LSAMP: variants seen among roughly 807,000 people sequenced by gnomAD.
LSAMP encodes limbic system-associated membrane protein.
In LSAMP, 7 loss-of-function variants were observed where a neutral mutation model predicts 38.6. The observed-to-expected ratio is 0.18, with a 90% CI of 0.10 to 0.34. The LOEUF (loss-of-function observed/expected upper bound fraction) is 0.34. Among genes scored for constraint, LSAMP ranks in the 10% least tolerant of loss-of-function variants. The pLI is 1.00. For synonymous variants in LSAMP, 154 were observed against 166.8 expected (o/e 0.92, Z 0.59); for missense variants, 313 against 420.0 (o/e 0.75, Z 2.23).
At chr3:116,233,299 G>C (rs1421904526) in intron 1 of LSAMP, among the ~76,000 whole-genome samples, 1 of 150,648 alleles carries the variant, frequency 6.6e-6, no homozygotes, top group Non-Finnish European at 1.5e-5. Flanking sequence ...TGTAGTCCCA[G>C]CTACTCGGGA....
intron 1 of LSAMP, among the ~76,000 whole-genome samples, chr3:116,248,484 T>TGTGA (rs1329183009): frequency 5.0e-4 from 6 of 12,094 alleles, no homozygotes; most frequent in Non-Finnish European, 6.9e-4. Context: ...CTAATGTGTG[T>TGTGA]GTGTGTGTGT....
At chr3:116,074,168 T>G (rs1027742073) in intron 2 of LSAMP, among the ~76,000 whole-genome samples, 7 of 152,208 alleles carry the variant, frequency 4.6e-5, no homozygotes, top group Non-Finnish European at 8.8e-5. Flanking sequence ...CTAAGGTAGG[T>G]GCACTGGAAT....
chr3:116,431,654 T>G (rs2049282756), intron 1 of LSAMP, among the ~76,000 whole-genome samples: 1 of 152,094 alleles, frequency 6.6e-6, no homozygotes, highest in Non-Finnish European at 1.5e-5. Context: ...CTTGTTTATA[T>G]TATTCTAATC....
intron 1 of LSAMP, among the ~76,000 whole-genome samples, chr3:116,225,828 T>C (rs747966551): frequency 9.9e-5 from 15 of 152,080 alleles, no homozygotes; most frequent in Non-Finnish European, 1.6e-4. Flanking sequence ...TCTTATATTA[T>C]GATGTTTGGT....
intron 1 of LSAMP, among the ~76,000 whole-genome samples, chr3:116,104,137 A>G (rs1708410363): frequency 6.6e-6 from 1 of 152,224 alleles, no homozygotes; most frequent in Non-Finnish European, 1.5e-5. Context: ...ACTCAGTATG[A>G]ACACTGGCCA....
At chr3:116,161,528 G>C (rs904297679) in intron 1 of LSAMP, among the ~76,000 whole-genome samples, 1 of 152,144 alleles carries the variant, frequency 6.6e-6, no homozygotes, top group Non-Finnish European at 1.5e-5. Flanking sequence ...TGTTCTGCCT[G>C]TGGCTGATCA....
chr3:116,368,739 A>G (rs1159338572), intron 1 of LSAMP, among the ~76,000 whole-genome samples: 1 of 152,242 alleles, frequency 6.6e-6, no homozygotes, highest in Non-Finnish European at 1.5e-5. Context: ...GTAAGATAAA[A>G]GAATAATTAG....
intron 1 of LSAMP, among the ~76,000 whole-genome samples, chr3:116,225,802 G>A (rs1365821099): frequency 1.3e-5 from 2 of 151,278 alleles, no homozygotes; most frequent in African/African-American, 4.9e-5. Context: ...TGAGCAAAAA[G>A]TGTTCCCCTA....
At chr3:116,001,236 T>C (rs894338121) in intron 3 of LSAMP, among the ~76,000 whole-genome samples, 2 of 152,232 alleles carry the variant, frequency 1.3e-5, no homozygotes, top group African/African-American at 4.8e-5. Context: ...TTGTCATTTT[T>C]TGCATTACAG....
chr3:116,108,180 AGAG>A (rs1474218672), intron 1 of LSAMP, among the ~76,000 whole-genome samples: 4 of 152,160 alleles, frequency 2.6e-5, no homozygotes, highest in African/African-American at 9.7e-5. Context: ...GGGGAATACA[AGAG>A]GAGGATGCAA....
intron 1 of LSAMP, among the ~76,000 whole-genome samples, chr3:116,198,551 C>T (rs890944102): frequency 2.0e-5 from 3 of 151,856 alleles, no homozygotes; most frequent in Admixed American, 2.0e-4. Context: ...TGGCGGATCA[C>T]GAGGCCAGGA....
chr3:116,395,359 A>C (rs1307722358), intron 1 of LSAMP, among the ~76,000 whole-genome samples: 1 of 152,226 alleles, frequency 6.6e-6, no homozygotes, highest in Non-Finnish European at 1.5e-5. Flanking sequence ...CTGGATGAGC[A>C]TGTTACCAAT....
At chr3:115,946,372 C>T (rs556693800) in intron 3 of LSAMP, among the ~76,000 whole-genome samples, 4 of 152,136 alleles carry the variant, frequency 2.6e-5, no homozygotes, top group Admixed American at 1.3e-4. Context: ...GCAGCCAAGG[C>T]GTGGGCTGTG....
chr3:116,347,937 T>A (rs2048085789), intron 1 of LSAMP, among the ~76,000 whole-genome samples: 1 of 151,924 alleles, frequency 6.6e-6, no homozygotes, highest in South Asian at 2.1e-4. Flanking sequence ...TTAGCCAGTA[T>A]TTTTTTACAA....
At chr3:116,377,646 A>C (rs1207866617) in intron 1 of LSAMP, among the ~76,000 whole-genome samples, 2 of 151,972 alleles carry the variant, frequency 1.3e-5, no homozygotes, top group Admixed American at 6.6e-5. Context: ...GATCTTTGCA[A>C]ACTCAGTATT....
chr3:116,077,042 TA>T (rs1260383670), intron 2 of LSAMP, among the ~76,000 whole-genome samples: 1 of 151,816 alleles, frequency 6.6e-6, no homozygotes, highest in Non-Finnish European at 1.5e-5. Context: ...TGTATATTAA[TA>T]CAAATTAATA....
At chr3:116,224,668 G>C (rs1208297135) in intron 1 of LSAMP, among the ~76,000 whole-genome samples, 1 of 152,146 alleles carries the variant, frequency 6.6e-6, no homozygotes, top group Middle Eastern at 3.2e-3. Context: ...CAAAAATTTA[G>C]ACACCTGAGA....
chr3:115,824,275 T>C (rs977769715), intron 6 of LSAMP, among the ~76,000 whole-genome samples: 2 of 152,194 alleles, frequency 1.3e-5, no homozygotes, highest in African/African-American at 4.8e-5. Flanking sequence ...GCAGTTTCTG[T>C]CTTAAAGAAG....
chr3:116,069,909 A>G (rs989215735), intron 2 of LSAMP, among the ~76,000 whole-genome samples: 1 of 152,216 alleles, frequency 6.6e-6, no homozygotes, highest in Non-Finnish European at 1.5e-5. Context: ...AGATGTTACC[A>G]TTAAAGATGA....
Sources: allele counts gnomAD v4.1 joint callset (sites outside exome capture counted in the v4.1 genomes callset), GRCh38; gene constraint gnomAD v4.1.1; transcripts MANE v1.5; gene names NCBI Gene and HGNC (gene_info 2026-07-23, HGNC 2026-07-21).